The following GRK2 variants were observed in gnomAD, a reference collection of about 807,000 sequenced individuals.
GRK2 encodes G protein-coupled receptor kinase 2.
A neutral mutation model predicts 97.8 loss-of-function variants in GRK2; 23 were observed. The observed-to-expected ratio is 0.24, with a 90% confidence interval of 0.17 to 0.33. The LOEUF (loss-of-function observed/expected upper bound fraction) is 0.33, where lower values mean the gene tolerates loss of function less well. Ranked by LOEUF, GRK2 falls within the 10% of genes least tolerant of loss-of-function variation. The pLI, the probability that GRK2 is intolerant of heterozygous loss-of-function variation, is 1.00. For missense variants in GRK2, 633 were observed against 956.9 expected, an observed-to-expected ratio of 0.66 and a Z score of 4.47; for synonymous variants, 425 against 381.7, an observed-to-expected ratio of 1.11 and a Z score of -1.32.
Position 67,281,241 on chromosome 11 carries a change from C to T in GRK2, c.647+57C>T, listed in dbSNP as rs1311933263. 7.3e-6 allele frequency: 11 copies of T among 1,505,362 alleles called. No homozygotes were observed. Among genetic ancestry groups the T allele is most frequent in the Non-Finnish European group, 1.0e-5 (11 of 1,092,440 alleles). 93.3% of individuals were successfully genotyped at this position (1,505,362 alleles called of 1,614,324 possible). On this transcript the variant is annotated intron_variant, in intron 8 of 20. Transcript: ENST00000308595. This position sits in a 1 kb window ranked among gnomAD's most constrained non-coding sequence, Gnocchi z 5.7. The stretch of plus-strand genomic sequence containing the variant: ...TCGGGGAGCCGGGCTCCTGGGGGAC[C>T]CTGACAGGCCGGGTTCCACACAGGG...
chr11:67,272,817 G>C (rs1565062897), intron 1 of GRK2, among the ~76,000 whole-genome samples: 2 of 152,386 alleles, frequency 1.3e-5, no homozygotes, highest in African/African-American at 2.4e-5. Context: ...AAGCTGGTCT[G>C]TGAGCAGAGG....
rs1254082157 is a variant in GRK2 at position 67,281,632 on chromosome 11, CCTCCT to C, written c.748-13_748-9del. The C allele has an allele frequency of 3.1e-6, 5 of 1,602,382 alleles. No homozygotes were observed. In the Admixed American group the frequency reaches 8.3e-5, roughly 27 times the overall value. On this transcript the variant is annotated splice_polypyrimidine_tract_variant and intron_variant, in intron 9 of 20. Coordinates refer to ENST00000308595, the MANE Select transcript of GRK2 (RefSeq NM_001619.5). This position sits in a 1 kb window ranked among gnomAD's most constrained non-coding sequence, Gnocchi z 5.7. ...CCCCTGCTAACTGCCCGCCCCCTCCCCTCCTCTCCCCTCCTAGGACTGCCCATTCA... is the reference window on the plus strand; with the variant it reads ...CCCCTGCTAACTGCCCGCCCCCTCCCCTCCCCTCCTAGGACTGCCCATTCA...
chr11:67,285,546 T>A lies in GRK2; in HGVS notation c.*96T>A. 1 of 1,387,742 alleles carries A rather than the reference T, an allele frequency of 7.2e-7. No homozygotes were observed. 86.0% of individuals were successfully genotyped at this position (1,387,742 alleles called of 1,614,324 possible). ...CGGAAAAGGTTTTATTTTGTAATTA[T>A]TGTGATTTCCCGTGGCCCCAGCCTG... On this transcript the variant is annotated 3_prime_UTR_variant, in exon 21 of 21. Transcript: ENST00000308595.
chr11:67,283,565 T>G, intron 15 of GRK2, 142 bp from the exon 16 acceptor site: 1 of 830,880 alleles, frequency 1.2e-6, no homozygotes, highest in Non-Finnish European at 1.9e-6. Context: ...TAGGAACTTC[T>G]GTTCTCCCAT....
chr11:67,274,544 TG>T (rs1376763491), intron 1 of GRK2, among the ~76,000 whole-genome samples: 2 of 137,594 alleles, frequency 1.5e-5, no homozygotes, highest in Non-Finnish European at 3.1e-5. Context: ...TCCCCTTCTG[TG>T]GACCAAAATG....
chr11:67,284,085 T>G, intron 17 of GRK2, 126 bp from the exon 18 acceptor site: 1 of 1,462,338 alleles, frequency 6.8e-7, no homozygotes, highest in Non-Finnish European at 9.4e-7. Flanking sequence ...CTTGGCCAAC[T>G]TCCCTGGGGG....
Position 67,281,202 on chromosome 11 carries a change from C to T in GRK2, c.647+18C>T, listed in dbSNP as rs764576229. On this transcript the variant is annotated intron_variant, in intron 8 of 20. Transcript: ENST00000308595. This position sits in a 1 kb window ranked among gnomAD's most constrained non-coding sequence, Gnocchi z 5.7. ...GGCAAGATGTGAGCACCCTGCTCGG[C>T]GCGGTGGGATACCTCGGGGAGCCGG... 69 of 1,602,044 alleles carry T rather than the reference C, an allele frequency of 4.3e-5. 1 individual carries two copies. Among genetic ancestry groups the T allele is most frequent in the East Asian group, 6.7e-5 (3 of 44,758 alleles).
intron 1 of GRK2, among the ~76,000 whole-genome samples, chr11:67,274,869 G>A (rs1021011590): frequency 1.3e-4 from 20 of 152,192 alleles, no homozygotes; most frequent in Admixed American, 9.8e-4. Flanking sequence ...GTGTGCTGGT[G>A]TGGACGCGGG....
In GRK2 at chr11:67,284,892, A is replaced by G. The variant is rs1860237687; in HGVS notation, c.1700A>G (p.Lys567Arg). ...KDCIMHGYMS[K>R]MGNPFLTQWQ... The stretch of plus-strand genomic sequence containing the variant: ...TGCATCATGCATGGCTACATGTCCA[A>G]GATGGGCAACCCCTTCCTGACCCAG... Residue 567 changes from lysine to arginine, a missense_variant, in exon 19 of 21, where the codon AAG becomes AGG. This residue lies in a region of GRK2 where 180 missense variants were observed against 311.3 expected (regional missense o/e 0.58). Transcript: ENST00000308595. 1.2e-6 allele frequency: 2 copies of G among 1,613,400 alleles called. No individual in the cohort carries two copies. Among genetic ancestry groups the G allele is most frequent in the Non-Finnish European group, 1.7e-6 (2 of 1,180,016 alleles).
chr11:67,285,504 T>C lies in GRK2; in HGVS notation c.*54T>C, dbSNP rs1028336143. ...AATTTATTTTGTCGAATTTTTATTA[T>C]TTGTTTTCCCGCCAAGCGGAAAAGG... On this transcript the variant is annotated 3_prime_UTR_variant, in exon 21 of 21. Transcript: ENST00000308595. 19 of 1,476,986 alleles carry C rather than the reference T, an allele frequency of 1.3e-5. No homozygotes were observed. In the Admixed American group the frequency reaches 1.7e-4, roughly 13 times the overall value. 91.5% of individuals were successfully genotyped at this position (1,476,986 alleles called of 1,614,324 possible). A position where few individuals can be genotyped will look rare whatever the true frequency, so the allele number is the denominator to read the frequency against.
In GRK2 at chr11:67,269,566, C is replaced by T. The variant is rs1859865586; in HGVS notation, c.113+2754C>T. ...CTGTCACAGTTCACAAGGCTCAGCC[C>T]TCTTCCCGTTGGCTGGGATGGAGAA... On this transcript the variant is annotated intron_variant, in intron 1 of 20. Transcript: ENST00000308595. This position sits in a 1 kb window ranked among gnomAD's most constrained non-coding sequence, Gnocchi z 4.1. 6.6e-6 allele frequency among the ~76,000 whole-genome samples: 1 copy of T among 152,250 alleles called. No individual in the cohort carries two copies. Among genetic ancestry groups the T allele is most frequent in the South Asian group, 2.1e-4 (1 of 4,832 alleles).
Position 67,282,578 on chromosome 11 carries a change from G to C in GRK2, c.1160+36G>C, listed in dbSNP as rs1268830964. 6 of 1,601,960 alleles carry C rather than the reference G, an allele frequency of 3.7e-6. No homozygotes were observed. Among genetic ancestry groups the C allele is most frequent in the Non-Finnish European group, 5.1e-6 (6 of 1,171,186 alleles). On this transcript the variant is annotated intron_variant, in intron 13 of 20. Coordinates refer to ENST00000308595, the MANE Select transcript of GRK2 (RefSeq NM_001619.5). This position sits in a 1 kb window ranked among gnomAD's most constrained non-coding sequence, Gnocchi z 6.9. ...CATCCCAGGTGGGCAGGTGGGTTGG[G>C]GCTAAGAGAAGTTCCTCCCCAATCC... is the stretch of plus-strand genomic sequence containing the variant.
intron 1 of GRK2, 84 bp downstream of exon 1, chr11:67,266,896 C>A: frequency 1.7e-6 from 1 of 575,842 alleles, no homozygotes; most frequent in Non-Finnish European, 2.4e-6. Flanking sequence ...ATGCTCGACC[C>A]CGCGACCTGG....
At chr11:67,275,761 C>T (rs1860016391) in intron 1 of GRK2, among the ~76,000 whole-genome samples, 1 of 152,154 alleles carries the variant, frequency 6.6e-6, no homozygotes, top group Non-Finnish European at 1.5e-5. Context: ...CGCCAGCTGC[C>T]GAGATCCCAC....
At chr11:67,275,128 G>A (rs1375179230) in intron 1 of GRK2, among the ~76,000 whole-genome samples, 1 of 152,202 alleles carries the variant, frequency 6.6e-6, no homozygotes, top group Non-Finnish European at 1.5e-5. Context: ...CCTTGGAACC[G>A]TGCTCATGGC....
At chr11:67,284,058 G>A (rs903759139) in intron 17 of GRK2, 109 bp downstream of exon 17, 12 of 1,408,674 alleles carry the variant, frequency 8.5e-6, no homozygotes, top group South Asian at 2.5e-5. Context: ...CTGCCAGCTT[G>A]TAGGCCTCAG....
chr11:67,285,101 C>T lies in GRK2; in HGVS notation c.1818C>T (p.Ile606=), dbSNP rs773591029. 1 of 1,613,426 alleles carries T rather than the reference C, an allele frequency of 6.2e-7. No individual in the cohort carries two copies. The highest frequency in any genetic ancestry group is 2.2e-5 in the East Asian group (1 of 44,882). Reference sequence around the variant, plus strand: ...AGAGCCTGCTGACCATGGAGGAGATCCAGTCGGTGGAGGAGACGCAGATCA... The same window carrying T: ...AGAGCCTGCTGACCATGGAGGAGATTCAGTCGGTGGAGGAGACGCAGATCA... The part of the protein sequence containing the change: ...APQSLLTMEE[I]QSVEETQIKE... The change falls in exon 20 of 21, where the codon ATC becomes ATT. Residue 606 remains isoleucine, a synonymous_variant. Coordinates refer to ENST00000308595, the MANE Select transcript of GRK2 (RefSeq NM_001619.5).
At chr11:67,280,464 A>C in intron 6 of GRK2, 1 of 560,986 alleles carries the variant, frequency 1.8e-6, no homozygotes, top group Non-Finnish European at 3.2e-6. Context: ...TTAGACTGGA[A>C]GACCTCCTTT....
chr11:67,268,560 C>T (rs1859844045), intron 1 of GRK2, among the ~76,000 whole-genome samples: 1 of 152,120 alleles, frequency 6.6e-6, no homozygotes. Flanking sequence ...GACCCTCCTG[C>T]AGGATGGAGT....
Sources: allele counts gnomAD v4.1 joint callset (sites outside exome capture counted in the v4.1 genomes callset), GRCh38; gene constraint gnomAD v4.1.1; regional missense constraint gnomAD v4.1.1; non-coding constraint Gnocchi (gnomAD v3.1); transcripts MANE v1.5; gene names NCBI Gene and HGNC (gene_info 2026-07-23, HGNC 2026-07-21).